The following HOXB3 variants were observed in gnomAD, a reference collection of about 807,000 sequenced individuals.
The protein encoded by HOXB3 is homeobox protein Hox-B3.
In HOXB3, 17 loss-of-function variants were observed where a neutral mutation model predicts 29.2. The ratio of observed to expected loss-of-function variants is 0.58; its 90% CI spans 0.40 to 0.87. The LOEUF is 0.87. Among genes scored for constraint, HOXB3 ranks in the 40% least tolerant of loss-of-function variants. HOXB3 has a pLI of 0.00. For synonymous variants in HOXB3, 317 were observed against 285.9 expected (o/e 1.11, Z -1.10); for missense variants, 637 against 616.3 (o/e 1.03, Z -0.35).
Position 48,554,480 on chromosome 17 carries a change from A to G in HOXB3, c.-159+1051T>C, listed in dbSNP as rs1193259104. Reference sequence around the variant, plus strand: ...GGCGAGTGTGGAAAGCGAAGGAGCCAGAGACGCGATAGGAAAGAATGGAGA... The same window carrying G: ...GGCGAGTGTGGAAAGCGAAGGAGCCGGAGACGCGATAGGAAAGAATGGAGA... On this transcript the variant is annotated intron_variant, in intron 3 of 4. Transcript: ENST00000498678. This position sits in a 1 kb window ranked among gnomAD's most constrained non-coding sequence, Gnocchi z 4.1. The G allele has an allele frequency of 1.8e-5, 11 of 606,914 alleles. No homozygotes were observed. The highest frequency in any genetic ancestry group is 1.7e-4 in the African/African-American group (9 of 53,878). The allele number at this position is 606,914 out of a possible 1,614,324, so 37.6% of individuals were successfully genotyped here. A position where few individuals can be genotyped will look rare whatever the true frequency, so the allele number is the denominator to read the frequency against.
chr17:48,567,409 T>A (rs2069426533), intron 2 of HOXB3, among the ~76,000 whole-genome samples: 1 of 152,134 alleles, frequency 6.6e-6, no homozygotes, highest in African/African-American at 2.4e-5. Flanking sequence ...TTGGCCTGGC[T>A]CCAGTCAGGG....
intron 2 of HOXB3, among the ~76,000 whole-genome samples, chr17:48,562,621 C>T (rs978546824): frequency 5.9e-5 from 9 of 152,128 alleles, no homozygotes; most frequent in Non-Finnish European, 1.2e-4. Flanking sequence ...ACTGAAACCT[C>T]GGGTTCTTCA....
At chr17:48,564,186 G>T (rs1355302198) in intron 2 of HOXB3, among the ~76,000 whole-genome samples, 3 of 152,016 alleles carry the variant, frequency 2.0e-5, no homozygotes, top group African/African-American at 4.8e-5. Flanking sequence ...CAGGCCCCGA[G>T]CGCCCCGGCT....
At chr17:48,570,647 G>A (rs571720197) in intron 2 of HOXB3, among the ~76,000 whole-genome samples, 12 of 152,316 alleles carry the variant, frequency 7.9e-5, no homozygotes, top group African/African-American at 2.6e-4. Context: ...CCCCGGTGTC[G>A]GCCTCGGAGG....
At chr17:48,572,650 A>C (rs1190589174) in intron 2 of HOXB3, among the ~76,000 whole-genome samples, 1 of 152,202 alleles carries the variant, frequency 6.6e-6, no homozygotes, top group Non-Finnish European at 1.5e-5. Flanking sequence ...GAGACAGATT[A>C]GCACCCTACT....
In HOXB3 at chr17:48,588,880, G is replaced by C. The variant is rs201223955; in HGVS notation, c.-425+1245C>G. ...AATGTCCCTTAATGAGAAAAAGGGA[G>C]TCTTATGACCCCATCCTTGTCCCAA... On this transcript the variant is annotated intron_variant, in intron 1 of 4. Transcript: ENST00000498678. Among the ~76,000 whole-genome samples the C allele has an allele frequency of 5.3e-5, 8 of 152,312 alleles. No homozygotes were observed. In the East Asian group the frequency reaches 1.2e-3, roughly 22 times the overall value.
chr17:48,558,927 G>T (rs2069095947), intron 2 of HOXB3, among the ~76,000 whole-genome samples: 1 of 151,356 alleles, frequency 6.6e-6, no homozygotes, highest in South Asian at 2.1e-4. Flanking sequence ...TGTGTGTAGG[G>T]TGTGTGTGTG....
In HOXB3 at chr17:48,550,487, G is replaced by A. The variant is rs779828582; in HGVS notation, c.1143C>T (p.Ser381=). The change falls in exon 5 of 5, where the codon TCC becomes TCT. Residue 381 remains serine (S), a synonymous_variant. Transcript: ENST00000498678. ...GCGCCCCGTTGTAGTCCAGGTTCCC[G>A]GAAGGGTGATGGGAAAGGTGGTTGA... The part of the protein sequence containing the change: ...YGLNHLSHHP[S]GNLDYNGAPP... The A allele has an allele frequency of 1.6e-5, 25 of 1,607,616 alleles. No homozygotes were observed. Among genetic ancestry groups the A allele is most frequent in the South Asian group, 4.4e-5 (4 of 90,658 alleles).
intron 1 of HOXB3, among the ~76,000 whole-genome samples, chr17:48,588,145 A>G (rs547474999): frequency 6.6e-6 from 1 of 152,224 alleles, no homozygotes; most frequent in Non-Finnish European, 1.5e-5. Context: ...ATCCCTTCAC[A>G]CCTCTCATTG....
chr17:48,552,217 CG>C lies in HOXB3; in HGVS notation c.257del (p.Pro86ArgfsTer48). 1 of 1,612,862 alleles carries C rather than the reference CG, an allele frequency of 6.2e-7. No homozygotes were observed. The highest frequency in any genetic ancestry group is 8.5e-7 in the Non-Finnish European group (1 of 1,179,686). On this transcript the variant is annotated frameshift_variant, in exon 4 of 5. Coordinates refer to ENST00000498678, the MANE Select transcript of HOXB3 (RefSeq NM_001384749.1). LOFTEE classifies it high-confidence loss of function. Reference sequence around the variant, plus strand: ...CGGCACTGGGCGGGGGTGAGCCAGGCGGGGCCGACAGGGGCTCGGGGGCCAG... The same window carrying C: ...CGGCACTGGGCGGGGGTGAGCCAGGCGGGCCGACAGGGGCTCGGGGGCCAG... ...PGLAPEPLSAPPGSPPPSAAP... is the reference protein window; with the variant it reads ...PGLAPEPLSAXPGSPPPSAAP...
chr17:48,572,197 C>T (rs1364834570), intron 2 of HOXB3, among the ~76,000 whole-genome samples: 1 of 152,218 alleles, frequency 6.6e-6, no homozygotes, highest in African/African-American at 2.4e-5. Flanking sequence ...CTGGAAAGTA[C>T]TCAGAATAGC....
At chr17:48,567,631 CTGCACCCCGTT>C (rs1371167493) in intron 2 of HOXB3, among the ~76,000 whole-genome samples, 1 of 152,224 alleles carries the variant, frequency 6.6e-6, no homozygotes, top group African/African-American at 2.4e-5. Context: ...CCTCTCCAAT[CTGCACCCCGTT>C]TGCTCCCTTT....
In HOXB3 at chr17:48,577,969, G is replaced by C. The variant is rs2069822097; in HGVS notation, c.-424-3955C>G. ...GGTTCTGGGCGCAGGGAGGCGGCGG[G>C]GGGCTGCTGCTGACCGCCTCGCAGC... On this transcript the variant is annotated intron_variant, in intron 1 of 4. Coordinates refer to ENST00000498678, the MANE Select transcript of HOXB3 (RefSeq NM_001384749.1). 10 of 1,313,186 alleles carry C rather than the reference G, an allele frequency of 7.6e-6. No homozygotes were observed. The South Asian group carries it at 3.0e-4, about 40-fold the overall frequency. 81.3% of individuals were successfully genotyped at this position (1,313,186 alleles called of 1,614,324 possible).
At chr17:48,563,621 G>A (rs1180123487) in intron 2 of HOXB3, among the ~76,000 whole-genome samples, 1 of 152,200 alleles carries the variant, frequency 6.6e-6, no homozygotes, top group Non-Finnish European at 1.5e-5. Flanking sequence ...CCACTCCAAG[G>A]AGAGGGGCTT....
intron 2 of HOXB3, among the ~76,000 whole-genome samples, chr17:48,562,286 C>T (rs939505655): frequency 1.3e-5 from 2 of 152,172 alleles, no homozygotes; most frequent in African/African-American, 4.8e-5. Flanking sequence ...ACCCGACCCC[C>T]TCCCTGCCCA....
intron 2 of HOXB3, chr17:48,557,266 C>CACT (rs1337893441): frequency 2.0e-5 from 3 of 152,436 alleles, no homozygotes; most frequent in South Asian, 2.1e-4. Flanking sequence ...TCATGTAAGG[C>CACT]ACTACCCTGT....
At chr17:48,576,068 C>G (rs2069747953) in intron 1 of HOXB3, 1 of 152,536 alleles carries the variant, frequency 6.6e-6, no homozygotes, top group Admixed American at 6.5e-5. Flanking sequence ...GGTGAGCAGT[C>G]ATTCTGGCCC....
chr17:48,569,448 C>T (rs1414484386), intron 2 of HOXB3, among the ~76,000 whole-genome samples: 2 of 147,766 alleles, frequency 1.4e-5, no homozygotes, highest in Non-Finnish European at 3.0e-5. Context: ...CCTTCTCCTC[C>T]TGCTTCTGCT....
At chr17:48,575,012 A>C (rs550967473) in intron 1 of HOXB3, 295 of 152,344 alleles carry the variant, frequency 1.9e-3, no homozygotes, top group African/African-American at 6.7e-3. Flanking sequence ...ATACTCATTA[A>C]AGCCTTAAAC....
Sources: gnomAD v4.1 joint callset for allele counts (sites outside exome capture counted in the v4.1 genomes callset) on GRCh38, gnomAD v4.1.1 for gene constraint, Gnocchi (gnomAD v3.1) non-coding constraint, MANE v1.5 for transcripts, NCBI Gene and HGNC (gene_info 2026-07-23, HGNC 2026-07-21) for gene names.